Variants in CSMD1 observed in about 807,000 individuals in gnomAD.
The protein encoded by CSMD1 is CUB and Sushi multiple domains 1.
Under a neutral mutation model 417.5 loss-of-function variants are expected in CSMD1, and 213 were observed. The observed-to-expected ratio is 0.51, with a 90% CI of 0.46 to 0.57. The LOEUF (loss-of-function observed/expected upper bound fraction) is 0.57, where lower values mean the gene tolerates loss of function less well. CSMD1 is among the 20% of genes least tolerant of loss of function. The pLI is 0.00. For missense variants in CSMD1, 6,923 were observed against 4,529.7 expected (o/e 1.53, Z -15.17); for synonymous variants, 2,862 against 1,736.8 (o/e 1.65, Z -16.11).
chr8:3,225,851 A>T (rs1023412095), intron 27 of CSMD1, among the ~76,000 whole-genome samples: 1 of 152,212 alleles, frequency 6.6e-6, no homozygotes, highest in African/African-American at 2.4e-5. Context: ...TTAGCTTGCA[A>T]AATATTTTAG....
chr8:4,429,625 G>C (rs116776711), intron 2 of CSMD1, among the ~76,000 whole-genome samples: 1,991 of 152,200 alleles, frequency 0.013, 42 homozygotes, highest in African/African-American at 0.045. Flanking sequence ...ATTCCAGAGA[G>C]AGAAACGAAT....
rs536784366 is a variant in CSMD1, at chr8:4,197,710, C to G, written c.416-165611G>C. ...CTTGGCCAACATAGTGAAGCTCTGT[C>G]TCTACTAAAAATACAAAAATTAGCT... On this transcript the variant is annotated intron_variant, in intron 3 of 69. Transcript: ENST00000635120. Among the ~76,000 whole-genome samples the G allele has an allele frequency of 2.0e-5, 3 of 152,236 alleles. No individual in the cohort carries two copies. The East Asian group carries it at 5.8e-4, about 29-fold the overall frequency.
At chr8:3,012,643 G>T (rs1808488209) in intron 52 of CSMD1, among the ~76,000 whole-genome samples, 1 of 152,172 alleles carries the variant, frequency 6.6e-6, no homozygotes, top group Admixed American at 6.5e-5. Flanking sequence ...ACAGCCCAAG[G>T]GAAGTTAATC....
intron 54 of CSMD1, among the ~76,000 whole-genome samples, chr8:2,985,926 G>T (rs2128943425): frequency 6.7e-6 from 1 of 148,372 alleles, no homozygotes; most frequent in Admixed American, 6.7e-5. Context: ...GAAGGGAAGG[G>T]GAGGGGAGGG....
intron 2 of CSMD1, among the ~76,000 whole-genome samples, chr8:4,428,789 G>C (rs1420311273): frequency 1.3e-5 from 2 of 151,992 alleles, no homozygotes; most frequent in Non-Finnish European, 2.9e-5. Context: ...GCGTGATCTT[G>C]GCTCACTGCA....
chr8:4,159,017 G>A (rs942388556), intron 3 of CSMD1, among the ~76,000 whole-genome samples: 4 of 152,112 alleles, frequency 2.6e-5, no homozygotes, highest in Non-Finnish European at 5.9e-5. Context: ...CCAGATTCAA[G>A]CGATTCTCCT....
chr8:3,310,718 T>G (rs1439781210), intron 23 of CSMD1, among the ~76,000 whole-genome samples: 1 of 151,440 alleles, frequency 6.6e-6, no homozygotes, highest in African/African-American at 2.4e-5. Context: ...CCGCCCATGC[T>G]AACAGGGCAT....
chr8:3,899,323 C>T (rs1807573576), intron 5 of CSMD1, among the ~76,000 whole-genome samples: 1 of 152,180 alleles, frequency 6.6e-6, no homozygotes, highest in Admixed American at 6.5e-5. Context: ...AGAGGTGCTA[C>T]TTCAGAGCAG....
At chr8:4,023,588 T>C (rs1307673925) in intron 4 of CSMD1, among the ~76,000 whole-genome samples, 5 of 150,022 alleles carry the variant, frequency 3.3e-5, no homozygotes, top group Admixed American at 6.6e-5. Context: ...TTCAACTTTT[T>C]TTTTTTTTTT....
At chr8:3,245,298 CCG>C (rs1563180955) in intron 26 of CSMD1, among the ~76,000 whole-genome samples, 13 of 152,162 alleles carry the variant, frequency 8.5e-5, no homozygotes, top group African/African-American at 2.9e-4. Context: ...CCAGTTCCTT[CCG>C]GTACCTGGGT....
At chr8:4,471,799 T>A (rs751718810) in intron 2 of CSMD1, among the ~76,000 whole-genome samples, 2 of 152,078 alleles carry the variant, frequency 1.3e-5, no homozygotes, top group Non-Finnish European at 2.9e-5. Flanking sequence ...ATATAGATGT[T>A]AACAGGAAGC....
At position 4,392,003 on chromosome 8, in the gene CSMD1, C is replaced by T. The variant is rs188287273; in HGVS notation, c.415+27950G>A. On this transcript the variant is annotated intron_variant, in intron 3 of 69. Transcript: ENST00000635120. Reference sequence around the variant, plus strand: ...GACCTAGTCAACACCAAGCATCAATCCTAAACTTGTGAGTGGGTAAGTGAG... The same window carrying T: ...GACCTAGTCAACACCAAGCATCAATTCTAAACTTGTGAGTGGGTAAGTGAG... Among the ~76,000 whole-genome samples, 15 of 152,256 alleles carry T rather than the reference C, an allele frequency of 9.9e-5. No individual in the cohort carries two copies. The East Asian group carries it at 2.7e-3, about 28-fold the overall frequency.
Position 3,756,411 on chromosome 8 carries a change from A to G in CSMD1, c.819-2369T>C, listed in dbSNP as rs191621428. 1.6e-3 allele frequency among the ~76,000 whole-genome samples: 251 copies of G among 152,260 alleles called. 1 individual carries two copies. The highest frequency in any genetic ancestry group is 5.7e-3 in the African/African-American group (238 of 41,550). ...ATTAAAAATCAATAATTATTTTTAT[A>G]CACACAAATATCACATACAAAAAAC... On this transcript the variant is annotated intron_variant, in intron 5 of 69. Transcript: ENST00000635120.
intron 3 of CSMD1, among the ~76,000 whole-genome samples, chr8:4,144,391 A>G (rs1405921590): frequency 6.6e-6 from 1 of 151,132 alleles, no homozygotes; most frequent in Non-Finnish European, 1.5e-5. Context: ...AACTTAATTT[A>G]TCTTTTCTGT....
At chr8:4,309,910 G>T (rs138930276) in intron 3 of CSMD1, among the ~76,000 whole-genome samples, 5 of 152,158 alleles carry the variant, frequency 3.3e-5, no homozygotes, top group African/African-American at 9.6e-5. Context: ...TATGAAATGT[G>T]ATTTAAGAAG....
intron 3 of CSMD1, among the ~76,000 whole-genome samples, chr8:4,221,787 A>T (rs886369444): frequency 6.6e-6 from 1 of 152,188 alleles, no homozygotes; most frequent in African/African-American, 2.4e-5. Context: ...ATACATTCTG[A>T]AAGGTGGACC....
chr8:3,606,211 G>C (rs1346935286), intron 8 of CSMD1, among the ~76,000 whole-genome samples: 2 of 152,178 alleles, frequency 1.3e-5, no homozygotes, highest in African/African-American at 4.8e-5. Flanking sequence ...GCAGTCACTT[G>C]TCTTTTAAGG....
chr8:4,461,937 TTCA>T (rs1356332475), intron 2 of CSMD1, among the ~76,000 whole-genome samples: 5 of 151,944 alleles, frequency 3.3e-5, no homozygotes, highest in Admixed American at 6.6e-5. Flanking sequence ...GAGACGGGGT[TTCA>T]TCATGTTAGC....
At chr8:4,738,973 T>C (rs1810426260) in intron 1 of CSMD1, among the ~76,000 whole-genome samples, 1 of 151,774 alleles carries the variant, frequency 6.6e-6, no homozygotes, top group Non-Finnish European at 1.5e-5. Context: ...ATAATATACC[T>C]TCTCTTGGGA....
Sources: gnomAD v4.1 joint callset for allele counts (sites outside exome capture counted in the v4.1 genomes callset) on GRCh38, gnomAD v4.1.1 for gene constraint, MANE v1.5 for transcripts, NCBI Gene and HGNC (gene_info 2026-07-23, HGNC 2026-07-21) for gene names.